PTPRN2: variants seen among roughly 807,000 people sequenced by gnomAD.
The protein encoded by PTPRN2 is receptor-type tyrosine-protein phosphatase N2.
In PTPRN2, 74 loss-of-function variants were observed where a neutral mutation model predicts 118.8. That is an observed-to-expected ratio of 0.62 (90% CI 0.52 to 0.76). The LOEUF (loss-of-function observed/expected upper bound fraction) is 0.76. Ranked by LOEUF, PTPRN2 falls within the 30% of genes least tolerant of loss-of-function variation. PTPRN2 has a pLI of 0.00. For missense variants in PTPRN2, 1,481 were observed against 1,394.4 expected, an observed-to-expected ratio of 1.06 and a Z score of -0.99; for synonymous variants, 641 against 608.0, an observed-to-expected ratio of 1.05 and a Z score of -0.80.
At chr7:158,401,556 C>A (rs937402064) in intron 2 of PTPRN2, among the ~76,000 whole-genome samples, 1 of 152,204 alleles carries the variant, frequency 6.6e-6, no homozygotes, top group Non-Finnish European at 1.5e-5. Context: ...ATGGGACAGC[C>A]CCATGGTTGC....
At chr7:158,275,177 A>G (rs1008405126) in intron 3 of PTPRN2, among the ~76,000 whole-genome samples, 1 of 152,122 alleles carries the variant, frequency 6.6e-6, no homozygotes, top group Non-Finnish European at 1.5e-5. Flanking sequence ...AGCCTCCAGC[A>G]GGGACAGCAC....
chr7:158,337,236 T>G lies in PTPRN2; in HGVS notation c.164-20304A>C, dbSNP rs1361438998. Reference sequence around the variant, plus strand: ...CTTGCAGACGTCACTAACACCCACATTCTCACCATAAGAGCTGACACCTGC... The same window carrying G: ...CTTGCAGACGTCACTAACACCCACAGTCTCACCATAAGAGCTGACACCTGC... On this transcript the variant is annotated intron_variant, in intron 2 of 22. Transcript: ENST00000389418. Among the ~76,000 whole-genome samples, 5 of 98,818 alleles carry G rather than the reference T, an allele frequency of 5.1e-5. No homozygotes were observed. In the East Asian group the frequency reaches 1.2e-3, roughly 24 times the overall value. 64.8% of individuals were successfully genotyped at this position (98,818 alleles called of 152,430 possible).
chr7:157,728,960 G>A (rs941221862), intron 12 of PTPRN2, among the ~76,000 whole-genome samples: 5 of 152,188 alleles, frequency 3.3e-5, no homozygotes, highest in Non-Finnish European at 7.3e-5. Flanking sequence ...AAACAGCCTC[G>A]AGGGAGACGG....
chr7:157,631,899 T>TC (rs1803986095), intron 14 of PTPRN2, among the ~76,000 whole-genome samples: 1 of 151,808 alleles, frequency 6.6e-6, no homozygotes, highest in African/African-American at 2.4e-5. Flanking sequence ...AATGACATGC[T>TC]TTTTTCAAAG....
At chr7:158,245,129 G>A (rs73176131) in intron 3 of PTPRN2, among the ~76,000 whole-genome samples, 11 of 152,254 alleles carry the variant, frequency 7.2e-5, no homozygotes, top group South Asian at 4.2e-4. Context: ...TGGTCATGCC[G>A]GAATCCGTGG....
chr7:157,558,753 G>A (rs1349144880), intron 21 of PTPRN2, among the ~76,000 whole-genome samples: 1 of 152,234 alleles, frequency 6.6e-6, no homozygotes, highest in Non-Finnish European at 1.5e-5. Flanking sequence ...GATCCCTCCT[G>A]CAGGTGCACA....
intron 12 of PTPRN2, among the ~76,000 whole-genome samples, chr7:157,742,849 C>T (rs1800711495): frequency 6.6e-6 from 1 of 152,208 alleles, no homozygotes; most frequent in Non-Finnish European, 1.5e-5. Flanking sequence ...CTTCCTAATA[C>T]CTTTTGCTTG....
chr7:157,924,317 G>A (rs998019492), intron 11 of PTPRN2, among the ~76,000 whole-genome samples: 2 of 152,200 alleles, frequency 1.3e-5, no homozygotes, highest in Admixed American at 6.5e-5. Context: ...CAGAAAGGGC[G>A]GCCCTGGGCT....
intron 11 of PTPRN2, among the ~76,000 whole-genome samples, chr7:158,051,592 A>G (rs1809328955): frequency 6.6e-6 from 1 of 152,170 alleles, no homozygotes; most frequent in African/African-American, 2.4e-5. Flanking sequence ...TGGCTAACTG[A>G]ATTACATCCA....
At chr7:158,225,685 T>C (rs1286831218) in intron 3 of PTPRN2, among the ~76,000 whole-genome samples, 1 of 152,038 alleles carries the variant, frequency 6.6e-6, no homozygotes, top group East Asian at 1.9e-4. Context: ...AATAGAGAAA[T>C]GAAGAGGTGA....
At chr7:158,249,056 CCCA>C (rs1011879328) in intron 3 of PTPRN2, among the ~76,000 whole-genome samples, 10 of 151,680 alleles carry the variant, frequency 6.6e-5, no homozygotes, top group Non-Finnish European at 2.9e-5. Flanking sequence ...CACACGTGCA[CCCA>C]CATCACACAC....
chr7:157,976,378 T>C (rs1802748960), intron 11 of PTPRN2, among the ~76,000 whole-genome samples: 1 of 152,124 alleles, frequency 6.6e-6, no homozygotes, highest in South Asian at 2.1e-4. Context: ...CGGCTGGCAC[T>C]CTCCTCTGTG....
rs144256233 is a variant in PTPRN2 at position 158,543,388 on chromosome 7, C to T, written c.112+44170G>A. 4.7e-3 allele frequency among the ~76,000 whole-genome samples: 720 copies of T among 152,360 alleles called. 2 individuals carry two copies. Among genetic ancestry groups the T allele is most frequent in the African/African-American group, 0.016 (662 of 41,584 alleles). On this transcript the variant is annotated intron_variant, in intron 1 of 22. Coordinates refer to ENST00000389418, the MANE Select transcript of PTPRN2 (RefSeq NM_002847.5). ...CTGTTCCCAGCAGGGCTGTGCCCCT[C>T]TAGTCCTTGGATGGATTTTGCAGAG...
At chr7:157,750,454 C>A (rs1183487030) in intron 12 of PTPRN2, among the ~76,000 whole-genome samples, 2 of 152,148 alleles carry the variant, frequency 1.3e-5, no homozygotes, top group African/African-American at 2.4e-5. Flanking sequence ...AGCAAGATGC[C>A]ACCCAGGTGA....
chr7:158,558,151 A>C (rs1339547091), intron 1 of PTPRN2, among the ~76,000 whole-genome samples: 2 of 151,542 alleles, frequency 1.3e-5, no homozygotes, highest in African/African-American at 2.4e-5. Flanking sequence ...CACCCCACTA[A>C]ATTTTTCATT....
chr7:158,157,853 C>T (rs1821975916), intron 6 of PTPRN2, among the ~76,000 whole-genome samples: 1 of 152,220 alleles, frequency 6.6e-6, no homozygotes, highest in Non-Finnish European at 1.5e-5. Context: ...AGGCCTCAGG[C>T]AGTGCACACT....
intron 3 of PTPRN2, among the ~76,000 whole-genome samples, chr7:158,305,194 C>A (rs1801191999): frequency 6.6e-6 from 1 of 152,090 alleles, no homozygotes; most frequent in Admixed American, 6.5e-5. Context: ...GTGCCCTTGG[C>A]CAAGAGGAAG....
chr7:158,039,347 G>A (rs138392249), intron 11 of PTPRN2, among the ~76,000 whole-genome samples: 26 of 152,260 alleles, frequency 1.7e-4, no homozygotes, highest in African/African-American at 6.3e-4. Flanking sequence ...AAAAAGCTGA[G>A]AAGTCCTCTT....
intron 11 of PTPRN2, among the ~76,000 whole-genome samples, chr7:157,957,794 G>T (rs1426399128): frequency 6.6e-6 from 1 of 152,028 alleles, no homozygotes; most frequent in Non-Finnish European, 1.5e-5. Flanking sequence ...CTGGTTTGAT[G>T]GATAAATTTT....
Sources: gnomAD v4.1 joint callset for allele counts (sites outside exome capture counted in the v4.1 genomes callset) on GRCh38, gnomAD v4.1.1 for gene constraint, MANE v1.5 for transcripts, NCBI Gene and HGNC (gene_info 2026-07-23, HGNC 2026-07-21) for gene names.